RELCH: variants seen among roughly 807,000 people sequenced by gnomAD.
RELCH encodes the protein RAB11 binding and LisH domain, coiled-coil and HEAT repeat containing.
Under a neutral mutation model 150.3 loss-of-function variants are expected in RELCH, and 41 were observed. The observed-to-expected ratio is 0.27, with a 90% CI of 0.21 to 0.35. The LOEUF is 0.35. Among genes scored for constraint, RELCH ranks in the 10% least tolerant of loss-of-function variants. The pLI is 1.00. For synonymous variants in RELCH, 478 were observed against 531.8 expected (o/e 0.90, Z 1.39); for missense variants, 1,092 against 1,467.8 (o/e 0.74, Z 4.18).
intron 25 of RELCH, among the ~76,000 whole-genome samples, chr18:62,284,573 A>G (rs2044694221): frequency 1.3e-5 from 2 of 152,128 alleles, no homozygotes; most frequent in Non-Finnish European, 2.9e-5. Flanking sequence ...ACTTACCCTG[A>G]GGAATTTAGT....
intron 1 of RELCH, among the ~76,000 whole-genome samples, chr18:62,203,237 C>T (rs1308132980): frequency 2.6e-5 from 4 of 152,070 alleles, no homozygotes; most frequent in Non-Finnish European, 4.4e-5. Flanking sequence ...GCAGGCAGAT[C>T]ACGAGGTCAA....
At chr18:62,204,905 G>A (rs1214617067) in intron 1 of RELCH, among the ~76,000 whole-genome samples, 1 of 152,138 alleles carries the variant, frequency 6.6e-6, no homozygotes, top group African/African-American at 2.4e-5. Flanking sequence ...ATTCAACCTT[G>A]ATTATTAATG....
At chr18:62,223,874 T>C (rs1166625258) in intron 5 of RELCH, among the ~76,000 whole-genome samples, 1 of 152,170 alleles carries the variant, frequency 6.6e-6, no homozygotes, top group East Asian at 1.9e-4. Context: ...ACATCCATTC[T>C]CTTTTAAAAC....
chr18:62,286,176 G>T (rs2044780505), intron 25 of RELCH, among the ~76,000 whole-genome samples: 1 of 152,156 alleles, frequency 6.6e-6, no homozygotes, highest in Non-Finnish European at 1.5e-5. Flanking sequence ...GTGAAAGAAT[G>T]ATAAGTTTCT....
rs80349162 is a variant in RELCH, at chr18:62,294,251, T to C, written c.3459+2620T>C. Reference sequence around the variant, plus strand: ...TAGAATCAACAGATTGTACAGTGTATACACTTTCAGTTTTGCCAGCTAATG... The same window carrying C: ...TAGAATCAACAGATTGTACAGTGTACACACTTTCAGTTTTGCCAGCTAATG... On this transcript the variant is annotated intron_variant, in intron 27 of 28. Coordinates refer to ENST00000644646, the MANE Select transcript of RELCH (RefSeq NM_001346231.2). Among the ~76,000 whole-genome samples the C allele has an allele frequency of 8.0e-3, 1,215 of 152,330 alleles. 20 individuals are homozygous for C. Among genetic ancestry groups the C allele is most frequent in the African/African-American group, 0.028 (1,162 of 41,570 alleles).
Position 62,261,597 on chromosome 18 carries a change from G to T in RELCH, c.2289G>T (p.Val763=). 1 of 1,611,380 alleles carries T rather than the reference G, an allele frequency of 6.2e-7. No homozygotes were observed. Among genetic ancestry groups the T allele is most frequent in the Non-Finnish European group, 8.5e-7 (1 of 1,178,294 alleles). Residue 763 remains valine (V), a synonymous_variant, in exon 16 of 29, where the codon GTG becomes GTT. Transcript: ENST00000644646. The stretch of plus-strand genomic sequence containing the variant: ...TGATCCCATCTCTCTTTGCATTAGT[G>T]CTACAGAATGCACCTTTCTCCAGCA... ...QSLIPSLFAL[V]LQNAPFSSKA...
chr18:62,283,507 C>G (rs1161247654), intron 25 of RELCH, among the ~76,000 whole-genome samples: 2 of 152,126 alleles, frequency 1.3e-5, no homozygotes, highest in Non-Finnish European at 2.9e-5. Context: ...TGTTACATAT[C>G]CAGGCTGGCA....
chr18:62,202,805 G>A (rs2039536409), intron 1 of RELCH, among the ~76,000 whole-genome samples: 1 of 152,048 alleles, frequency 6.6e-6, no homozygotes, highest in African/African-American at 2.4e-5. Context: ...AATAACAGAT[G>A]GATACCTAAT....
chr18:62,252,403 C>T (rs1464481560), intron 11 of RELCH, among the ~76,000 whole-genome samples: 3 of 151,922 alleles, frequency 2.0e-5, no homozygotes, highest in Admixed American at 2.0e-4. Flanking sequence ...CTTATAGTCC[C>T]AGCTACTCGA....
chr18:62,259,550 G>A (rs1178021247), intron 15 of RELCH, among the ~76,000 whole-genome samples: 1 of 151,784 alleles, frequency 6.6e-6, no homozygotes, highest in East Asian at 1.9e-4. Context: ...TGTTAAAAAT[G>A]TGTATACTAC....
chr18:62,198,542 G>A (rs1194081503), intron 1 of RELCH, among the ~76,000 whole-genome samples: 4 of 152,156 alleles, frequency 2.6e-5, no homozygotes, highest in African/African-American at 9.7e-5. Flanking sequence ...AGGTAGTATC[G>A]TTGACATTTC....
chr18:62,190,444 G>C (rs1364430220), intron 1 of RELCH, among the ~76,000 whole-genome samples: 1 of 152,110 alleles, frequency 6.6e-6, no homozygotes, highest in Non-Finnish European at 1.5e-5. Flanking sequence ...AGGCGTGGTG[G>C]TGGGCACCTG....
chr18:62,264,431 T>A (rs1052843620), intron 17 of RELCH, among the ~76,000 whole-genome samples: 1 of 152,076 alleles, frequency 6.6e-6, no homozygotes, highest in African/African-American at 2.4e-5. Context: ...AATGATGCCA[T>A]GTAAAGCCAA....
At chr18:62,287,521 G>T in intron 26 of RELCH, 54 bp downstream of exon 26, 1 of 914,026 alleles carries the variant, frequency 1.1e-6, no homozygotes, top group South Asian at 1.5e-5. Flanking sequence ...TCTTAGAGTG[G>T]AACTTGGTTG....
In RELCH at chr18:62,188,046, C is replaced by G; in HGVS notation, c.526+15C>G. The G allele has an allele frequency of 2.6e-6, 4 of 1,537,526 alleles. No individual in the cohort carries two copies. Among genetic ancestry groups the G allele is most frequent in the Non-Finnish European group, 2.6e-6 (3 of 1,142,212 alleles). ...GGGACAGCTCAGTAAGTGGACGCAG[C>G]CTGTCACACTCCGGCAGGGTATTTG... On this transcript the variant is annotated intron_variant, in intron 1 of 28. Coordinates refer to ENST00000644646, the MANE Select transcript of RELCH (RefSeq NM_001346231.2).
In RELCH at chr18:62,227,313, G is replaced by C. The variant is rs1255850193; in HGVS notation, c.883G>C (p.Gly295Arg). Residue 295 changes from glycine to arginine, a missense_variant, in exon 6 of 29, where the codon GGA becomes CGA. By Grantham distance (125) the Gly-to-Arg change is moderately radical. Coordinates refer to ENST00000644646, the MANE Select transcript of RELCH (RefSeq NM_001346231.2). ...DQDFELWDDV[G>R]LNIPKPPDLL... The stretch of plus-strand genomic sequence containing the variant: ...GGATTTTGAATTATGGGATGATGTA[G>C]GATTAAACATTCCAAAACCTCCAGA... 1 of 1,606,030 alleles carries C rather than the reference G, an allele frequency of 6.2e-7. No homozygotes were observed. The highest frequency in any genetic ancestry group is 8.5e-7 in the Non-Finnish European group (1 of 1,173,658).
intron 27 of RELCH, among the ~76,000 whole-genome samples, chr18:62,295,716 C>T (rs1247340277): frequency 6.6e-6 from 1 of 151,996 alleles, no homozygotes; most frequent in Non-Finnish European, 1.5e-5. Flanking sequence ...GGACTACAGG[C>T]ATGCACCACC....
chr18:62,277,804 T>A, intron 22 of RELCH: 1 of 814,492 alleles, frequency 1.2e-6, no homozygotes, highest in Non-Finnish European at 1.5e-6. Flanking sequence ...AATTATTTTA[T>A]AAGAGGAATT....
intron 27 of RELCH, among the ~76,000 whole-genome samples, chr18:62,294,368 A>G (rs1325907258): frequency 6.6e-6 from 1 of 152,158 alleles, no homozygotes; most frequent in African/African-American, 2.4e-5. Context: ...AACACTTGGT[A>G]TTGTTAAACT....
Sources: gnomAD v4.1 joint callset for allele counts (sites outside exome capture counted in the v4.1 genomes callset) on GRCh38, gnomAD v4.1.1 for gene constraint, MANE v1.5 for transcripts, NCBI Gene and HGNC (gene_info 2026-07-23, HGNC 2026-07-21) for gene names.